Variants in LBHD2 observed in about 807,000 individuals in gnomAD.
LBHD2 encodes the protein LBH domain-containing protein 2.
At chr14:103,089,090 G>A (rs1473588763) in intron 3 of LBHD2, among the ~76,000 whole-genome samples, 2 of 152,228 alleles carry the variant, frequency 1.3e-5, no homozygotes, top group Non-Finnish European at 2.9e-5. Flanking sequence ...CTGGGCTGTG[G>A]GGGCCTTGTG....
In LBHD2 at chr14:103,090,010, T is replaced by A; in HGVS notation, c.*213T>A. ...TTTGTTCCGTGGTTTGAAGCAGAAA[T>A]AAAGGCACTTCCTGGTGGCCAGTAG... On this transcript the variant is annotated 3_prime_UTR_variant, in exon 4 of 4. Coordinates refer to ENST00000634353, the MANE Select transcript of LBHD2 (RefSeq NM_001330236.2). The A allele has an allele frequency of 2.6e-6, 1 of 390,422 alleles. No individual in the cohort carries two copies. Among genetic ancestry groups the A allele is most frequent in the East Asian group, 3.6e-5 (1 of 27,622 alleles). 24.2% of individuals were successfully genotyped at this position (390,422 alleles called of 1,614,324 possible).
intron 2 of LBHD2, among the ~76,000 whole-genome samples, chr14:103,087,275 G>A (rs1462951146): frequency 6.6e-5 from 10 of 152,254 alleles, no homozygotes; most frequent in Admixed American, 6.5e-5. Context: ...TGCAGTGGCC[G>A]AGGGCCATTC....
In LBHD2 at chr14:103,088,372, C is replaced by T. The variant is rs573953293; in HGVS notation, c.226+131C>T. ...TCCTGCCTGTTCACACTCCATCCTC[C>T]GCCCGCCTTGGAGTCTCTGCCTGAG... On this transcript the variant is annotated intron_variant, in intron 3 of 3. Transcript: ENST00000634353. 5.8e-5 allele frequency: 23 copies of T among 397,648 alleles called. No homozygotes were observed. The South Asian group carries it at 2.0e-3, about 34-fold the overall frequency. The allele number at this position is 397,648 out of a possible 1,614,324, so 24.6% of individuals were successfully genotyped here.
chr14:103,088,372 C>G, intron 3 of LBHD2, 131 bp downstream of exon 3: 1 of 397,648 alleles, frequency 2.5e-6, no homozygotes, highest in Non-Finnish European at 4.4e-6. Context: ...CTCCATCCTC[C>G]GCCCGCCTTG....
intron 3 of LBHD2, among the ~76,000 whole-genome samples, chr14:103,088,592 G>A (rs546880106): frequency 1.3e-5 from 2 of 152,348 alleles, no homozygotes; most frequent in East Asian, 1.9e-4. Context: ...TGGAGCAAGT[G>A]TGCCTTGCTC....
At chr14:103,087,101 G>A (rs1228617570) in intron 2 of LBHD2, among the ~76,000 whole-genome samples, 2 of 152,254 alleles carry the variant, frequency 1.3e-5, no homozygotes, top group Non-Finnish European at 2.9e-5. Flanking sequence ...CAGCCTTTGG[G>A]GTAGGGATGG....
chr14:103,087,128 T>C (rs892123345), intron 2 of LBHD2, among the ~76,000 whole-genome samples: 2 of 152,252 alleles, frequency 1.3e-5, no homozygotes, highest in African/African-American at 4.8e-5. Context: ...TGCTCTGCTG[T>C]CCTCTGACAG....
chr14:103,086,246 C>CT lies in LBHD2; in HGVS notation c.69+166dup, dbSNP rs763343887. On this transcript the variant is annotated intron_variant, in intron 2 of 3. Coordinates refer to ENST00000634353, the MANE Select transcript of LBHD2 (RefSeq NM_001330236.2). ...TTTATTTTTGACACAGAGTCTTGCT[C>CT]TGTTGCCCAGGCTGGAGTGTAATGG... 1.3e-3 allele frequency among the ~76,000 whole-genome samples: 200 copies of CT among 152,190 alleles called. 2 individuals are homozygous for CT. The highest frequency in any genetic ancestry group is 5.3e-4 in the Non-Finnish European group (36 of 68,036).
At chr14:103,086,695 A>T (rs1400443434) in intron 2 of LBHD2, among the ~76,000 whole-genome samples, 1 of 149,574 alleles carries the variant, frequency 6.7e-6, no homozygotes, top group African/African-American at 2.5e-5. Flanking sequence ...GGGGATGGGG[A>T]GGTGCTGATG....
intron 3 of LBHD2, among the ~76,000 whole-genome samples, chr14:103,089,057 C>A (rs1226661192): frequency 6.6e-6 from 1 of 152,188 alleles, no homozygotes; most frequent in Non-Finnish European, 1.5e-5. Context: ...GCGCCAGGCC[C>A]AAGGAACAGG....
chr14:103,085,315 G>A (rs1376014086), intron 1 of LBHD2, among the ~76,000 whole-genome samples: 4 of 152,166 alleles, frequency 2.6e-5, no homozygotes, highest in African/African-American at 9.7e-5. Context: ...GTAGCCCCAA[G>A]AGCCCACACG....
At chr14:103,086,297 C>T (rs1184714386) in intron 2 of LBHD2, among the ~76,000 whole-genome samples, 2 of 152,170 alleles carry the variant, frequency 1.3e-5, no homozygotes, top group African/African-American at 2.4e-5. Flanking sequence ...CTGCAGCCTC[C>T]GCCTCCGGGG....
intron 1 of LBHD2, among the ~76,000 whole-genome samples, chr14:103,084,822 G>A (rs1253899563): frequency 1.3e-5 from 2 of 152,154 alleles, no homozygotes; most frequent in African/African-American, 4.8e-5. Flanking sequence ...TCCCAAGGCT[G>A]GCTGGGTCTC....
rs369355777 is a variant in LBHD2, at chr14:103,084,715, G to GTC, written c.-38+386_-38+387dup. Among the ~76,000 whole-genome samples the GTC allele has an allele frequency of 1.4e-3, 211 of 149,976 alleles. 1 individual carries two copies. The highest frequency in any genetic ancestry group is 0.012 in the South Asian group (55 of 4,774). Reference sequence around the variant, plus strand: ...AAGTGTCATCTGTGGGTCTGTTTCTGTCTCTCTCTCTCTCTCTCTTCTCCT... The same window carrying GTC: ...AAGTGTCATCTGTGGGTCTGTTTCTGTCTCTCTCTCTCTCTCTCTCTTCTCCT... On this transcript the variant is annotated intron_variant, in intron 1 of 3. Transcript: ENST00000634353.
In LBHD2 at chr14:103,088,228, C is replaced by T; in HGVS notation, c.213C>T (p.Ser71=). The T allele has an allele frequency of 2.5e-6, 1 of 398,856 alleles. No homozygotes were observed. The highest frequency in any genetic ancestry group is 3.6e-5 in the East Asian group (1 of 28,078). The allele number at this position is 398,856 out of a possible 1,614,324, so 24.7% of individuals were successfully genotyped here. ...GTGCCCAGAGGGGCCCCTCTCAGAGCCGGGCTGCTGCTGGTAAGTGAGGGT... is the reference window on the plus strand; with the variant it reads ...GTGCCCAGAGGGGCCCCTCTCAGAGTCGGGCTGCTGCTGGTAAGTGAGGGT... ...LESAQRGPSQ[S]RAAAAPSPSL... The change falls in exon 3 of 4, where the codon AGC becomes AGT. Residue 71 remains serine (S), a synonymous_variant. Transcript: ENST00000634353.
At chr14:103,088,803 G>A (rs1379535050) in intron 3 of LBHD2, among the ~76,000 whole-genome samples, 6 of 152,216 alleles carry the variant, frequency 3.9e-5, no homozygotes, top group Non-Finnish European at 8.8e-5. Context: ...AGACTAGCCT[G>A]GCCAACATGG....
intron 2 of LBHD2, among the ~76,000 whole-genome samples, chr14:103,086,409 C>T: frequency 6.6e-6 from 1 of 152,178 alleles, no homozygotes; most frequent in East Asian, 1.9e-4. Context: ...TCGGGTTTCA[C>T]CATGTTGGCC....
intron 3 of LBHD2, among the ~76,000 whole-genome samples, chr14:103,089,054 G>A (rs1267509291): frequency 6.6e-6 from 1 of 152,200 alleles, no homozygotes; most frequent in Non-Finnish European, 1.5e-5. Flanking sequence ...CCGGCGCCAG[G>A]CCCAAGGAAC....
chr14:103,084,595 C>A (rs1399238774), intron 1 of LBHD2, among the ~76,000 whole-genome samples: 1 of 152,182 alleles, frequency 6.6e-6, no homozygotes, highest in Admixed American at 6.5e-5. Context: ...CAGGGCAAGG[C>A]AGCCCTTGGG....
Sources: gnomAD v4.1 joint callset for allele counts (sites outside exome capture counted in the v4.1 genomes callset) on GRCh38, gnomAD v4.1.1 for gene constraint, MANE v1.5 for transcripts, NCBI Gene and HGNC (gene_info 2026-07-23, HGNC 2026-07-21) for gene names.